Variants in ATG4B observed in about 807,000 individuals in gnomAD.
The protein encoded by ATG4B is cysteine protease ATG4B.
A neutral mutation model predicts 56.6 loss-of-function variants in ATG4B; 29 were observed. That is an observed-to-expected ratio of 0.51 (90% CI 0.38 to 0.70). The LOEUF (loss-of-function observed/expected upper bound fraction) is 0.70, where lower values mean the gene tolerates loss of function less well. Ranked by LOEUF, ATG4B falls within the 30% of genes least tolerant of loss-of-function variation. ATG4B has a pLI of 0.00. For synonymous variants in ATG4B, 224 were observed against 206.1 expected, an observed-to-expected ratio of 1.09 and a Z score of -0.74; for missense variants, 461 against 515.5, an observed-to-expected ratio of 0.89 and a Z score of 1.02.
chr2:241,671,924 G>C (rs1262539294), intron 12 of ATG4B: 1 of 1,372,460 alleles, frequency 7.3e-7, no homozygotes, highest in Non-Finnish European at 9.4e-7. Flanking sequence ...TGACCACGAG[G>C]GTCAGACGCG....
chr2:241,655,655 G>T (rs1559259557), intron 6 of ATG4B, among the ~76,000 whole-genome samples: 2 of 152,096 alleles, frequency 1.3e-5, no homozygotes. Flanking sequence ...CCATCTGTGC[G>T]GGTGCCGGGC....
intron 6 of ATG4B, among the ~76,000 whole-genome samples, chr2:241,655,706 G>A (rs1277153201): frequency 1.3e-5 from 2 of 152,136 alleles, no homozygotes; most frequent in African/African-American, 4.8e-5. Context: ...GCCCTCCGCG[G>A]GCCTTGCCAC....
intron 1 of ATG4B, among the ~76,000 whole-genome samples, chr2:241,647,622 CAAAAAA>C (rs35875880): frequency 8.5e-6 from 1 of 117,672 alleles, no homozygotes; most frequent in African/African-American, 3.2e-5. Flanking sequence ...GACTCCGTCT[CAAAAAA>C]AAAAAAAAAA....
intron 12 of ATG4B, 87 bp downstream of exon 12, chr2:241,671,492 A>G (rs1216168070): frequency 2.6e-6 from 4 of 1,565,050 alleles, no homozygotes; most frequent in African/African-American, 1.4e-5. Flanking sequence ...GGTTTTGACC[A>G]TTAAGGTGTG....
chr2:241,670,742 C>T lies in ATG4B; in HGVS notation c.974C>T (p.Thr325Ile). The change falls in exon 11 of 13, where the codon ACT (threonine) becomes ATT (isoleucine). Residue 325 changes from threonine (T) to isoleucine (I), a missense_variant. By Grantham distance (89) the Thr-to-Ile change is moderately conservative. Coordinates refer to ENST00000404914, the MANE Select transcript of ATG4B (RefSeq NM_013325.5). Reference protein sequence around the residue: ...PSIAVGFFCKTEDDFNDWCQQ... With the variant: ...PSIAVGFFCKIEDDFNDWCQQ... ...TCGTTTTAGGGGTTTTTCTGTAAGA[C>T]TGAAGATGACTTCAATGATTGGTGC... 2.5e-6 allele frequency: 4 copies of T among 1,611,166 alleles called. No individual in the cohort carries two copies. The highest frequency in any genetic ancestry group is 3.4e-6 in the Non-Finnish European group (4 of 1,178,626).
rs2068349630 is a variant in ATG4B at position 241,654,957 on chromosome 2, A to G, written c.385+310A>G. ...CCCATCAGTGAATCTGAATGCTCAG[A>G]TTGAAGTGGAGTGAGTAAAGAAGAG... On this transcript the variant is annotated intron_variant, in intron 5 of 12. Coordinates refer to ENST00000404914, the MANE Select transcript of ATG4B (RefSeq NM_013325.5). The G allele has an allele frequency of 5.3e-6, 3 of 570,612 alleles. No individual in the cohort carries two copies. In the East Asian group the frequency reaches 8.8e-5, roughly 17 times the overall value. The allele number at this position is 570,612 out of a possible 1,614,324, so 35.3% of individuals were successfully genotyped here. A position where few individuals can be genotyped will look rare whatever the true frequency, so the allele number is the denominator to read the frequency against.
intron 6 of ATG4B, among the ~76,000 whole-genome samples, chr2:241,658,129 G>A (rs954477318): frequency 8.5e-5 from 13 of 152,230 alleles, no homozygotes; most frequent in African/African-American, 3.1e-4. Context: ...TTCCTTGTTT[G>A]CCCTCCGCCA....
intron 6 of ATG4B, among the ~76,000 whole-genome samples, chr2:241,657,884 G>A (rs141858077): frequency 1.3e-5 from 2 of 152,084 alleles, no homozygotes; most frequent in East Asian, 1.9e-4. Context: ...GGCTCTACCC[G>A]ACCTCCCTGG....
intron 7 of ATG4B, among the ~76,000 whole-genome samples, chr2:241,663,490 G>A (rs35904111): frequency 1.3e-5 from 2 of 152,206 alleles, no homozygotes; most frequent in Non-Finnish European, 1.5e-5. Context: ...TGTAGAGACC[G>A]TAACTATGTA....
chr2:241,643,576 A>G (rs76623362), intron 1 of ATG4B, among the ~76,000 whole-genome samples: 20,473 of 149,154 alleles, frequency 0.14, 1,707 homozygotes, highest in East Asian at 0.34. Context: ...ATATTTATTT[A>G]TGTATATATG....
chr2:241,664,825 G>A (rs62190292), intron 7 of ATG4B, among the ~76,000 whole-genome samples: 41,591 of 152,000 alleles, frequency 0.27, 7,412 homozygotes, highest in East Asian at 0.59. Context: ...TTAGCTGGGC[G>A]TGGTGACACA....
At chr2:241,662,017 T>G (rs1429995540) in intron 7 of ATG4B, among the ~76,000 whole-genome samples, 1 of 152,114 alleles carries the variant, frequency 6.6e-6, no homozygotes, top group African/African-American at 2.4e-5. Context: ...TAGCTGGAAC[T>G]CAACTCTCTG....
At position 241,653,526 on chromosome 2, in the gene ATG4B, A is replaced by G; in HGVS notation, c.199A>G (p.Thr67Ala). 1 of 1,580,964 alleles carries G rather than the reference A, an allele frequency of 6.3e-7. No homozygotes were observed. Residue 67 changes from threonine (T) to alanine (A), a missense_variant, in exon 4 of 13, where the codon ACC becomes GCC. Physicochemically the swap from Thr to Ala is moderately conservative, Grantham distance 58 (BLOSUM62 0). Transcript: ENST00000404914. ...TGCCACGACAGGGGGGACAGGCCCC[A>G]CCTCGGACACAGGCTGGGGCTGCAT... ...NFPAIGGTGP[T>A]SDTGWGCMLR...
Position 241,672,185 on chromosome 2 carries a change from T to C in ATG4B, c.1109-6T>C. 2.5e-6 allele frequency: 4 copies of C among 1,573,522 alleles called. No homozygotes were observed. The highest frequency in any genetic ancestry group is 3.5e-6 in the Non-Finnish European group (4 of 1,158,984). ...TGCCTGATGCGCTATGTCCTGTTCC[T>C]TCTAGATTCTTCTGATGTAGAGCGA... On this transcript the variant is annotated splice_polypyrimidine_tract_variant and splice_region_variant and intron_variant, in intron 12 of 12. Coordinates refer to ENST00000404914, the MANE Select transcript of ATG4B (RefSeq NM_013325.5).
intron 6 of ATG4B, 184 bp downstream of exon 6, chr2:241,655,527 A>C: frequency 1.6e-6 from 1 of 628,810 alleles, no homozygotes. Context: ...ATGTTTTCTA[A>C]CAAAATGAAC....
intron 7 of ATG4B, among the ~76,000 whole-genome samples, chr2:241,662,149 T>C (rs1012679278): frequency 1.3e-5 from 2 of 152,218 alleles, no homozygotes; most frequent in South Asian, 2.1e-4. Flanking sequence ...GTTGAGTCTT[T>C]AGAGCTAAAG....
In ATG4B at chr2:241,668,517, G is replaced by A. The variant is rs200458483; in HGVS notation, c.812-23G>A. ...CCTCTGCCGGCTCGGCCACCCACCT[G>A]CCCACCTGCCTCATCCTCCCAGGTG... On this transcript the variant is annotated intron_variant, in intron 9 of 12. Transcript: ENST00000404914. The surrounding 1 kb of genome is among the most constrained non-coding windows in gnomAD (Gnocchi z 4.2). 430 of 1,602,380 alleles carry A rather than the reference G, an allele frequency of 2.7e-4. 3 individuals carry two copies. The highest frequency in any genetic ancestry group is 6.8e-4 in the South Asian group (61 of 89,960).
At chr2:241,637,822 A>T in intron 1 of ATG4B, 98 bp downstream of exon 1, 1 of 1,266,130 alleles carries the variant, frequency 7.9e-7, no homozygotes, top group Non-Finnish European at 1.0e-6. Context: ...GCCTCGGGGC[A>T]CGCCGGTGCG....
chr2:241,648,388 G>A (rs956245132), intron 1 of ATG4B, among the ~76,000 whole-genome samples: 9 of 152,238 alleles, frequency 5.9e-5, no homozygotes, highest in Admixed American at 1.3e-4. Flanking sequence ...TTGAGCCTAG[G>A]AGTTTGAGAC....
Sources: allele counts gnomAD v4.1 joint callset (sites outside exome capture counted in the v4.1 genomes callset), GRCh38; gene constraint gnomAD v4.1.1; non-coding constraint Gnocchi (gnomAD v3.1); transcripts MANE v1.5; gene names NCBI Gene and HGNC (gene_info 2026-07-23, HGNC 2026-07-21).